FAF1: variants seen among roughly 807,000 people sequenced by gnomAD.
The protein encoded by FAF1 is Fas associated factor 1.
A neutral mutation model predicts 92.5 loss-of-function variants in FAF1; 25 were observed. The observed-to-expected ratio is 0.27, with a 90% CI of 0.20 to 0.38. The LOEUF (loss-of-function observed/expected upper bound fraction) is 0.38, where lower values mean the gene tolerates loss of function less well. Ranked by LOEUF, FAF1 falls within the 10% of genes least tolerant of loss-of-function variation. The probability of loss-of-function intolerance (pLI) is 1.00; values close to 1 mark genes in which losing one functional copy is unlikely to be tolerated. For missense variants in FAF1, 636 were observed against 793.3 expected, an observed-to-expected ratio of 0.80 and a Z score of 2.38; for synonymous variants, 234 against 273.2, an observed-to-expected ratio of 0.86 and a Z score of 1.42.
rs1378268762 is a variant in FAF1 at position 50,960,172 on chromosome 1, G to T, written c.-361C>A. 6.4e-6 allele frequency: 2 copies of T among 314,730 alleles called. No individual in the cohort carries two copies. Among genetic ancestry groups the T allele is most frequent in the Non-Finnish European group, 1.2e-5 (2 of 170,678 alleles). 19.5% of individuals were successfully genotyped at this position (314,730 alleles called of 1,614,324 possible). On this transcript the variant is annotated 5_prime_UTR_variant, in exon 1 of 19. Transcript: ENST00000396153. ...ACCTTCAGCGGCGTTAAGCCCGGCG[G>T]GGGCGGGGAAACCGAGCGAGCGAGC...
At chr1:50,507,566 C>G (rs1050533225) in intron 15 of FAF1, among the ~76,000 whole-genome samples, 1 of 151,920 alleles carries the variant, frequency 6.6e-6, no homozygotes, top group East Asian at 1.9e-4. Context: ...ATGGCGAGAC[C>G]CATAAAAAAT....
intron 6 of FAF1, among the ~76,000 whole-genome samples, chr1:50,706,863 C>T (rs1449999255): frequency 6.6e-6 from 1 of 152,112 alleles, no homozygotes; most frequent in Non-Finnish European, 1.5e-5. Flanking sequence ...TCCTCCTTTG[C>T]CCATCTGTAA....
chr1:50,630,555 A>G (rs1653723688), intron 8 of FAF1, among the ~76,000 whole-genome samples: 1 of 152,068 alleles, frequency 6.6e-6, no homozygotes, highest in Non-Finnish European at 1.5e-5. Flanking sequence ...TAGGTTGCAT[A>G]ATTTTGTTTG....
intron 15 of FAF1, among the ~76,000 whole-genome samples, chr1:50,499,894 T>TA (rs1265889776): frequency 2.0e-5 from 3 of 152,188 alleles, no homozygotes; most frequent in African/African-American, 7.2e-5. Context: ...ACTCAGAACT[T>TA]ACAGTTTAAA....
At chr1:50,724,296 T>TAC (rs974347882) in intron 6 of FAF1, among the ~76,000 whole-genome samples, 7,502 of 117,018 alleles carry the variant, frequency 0.064, 340 homozygotes, top group East Asian at 0.23. Context: ...CACACACACA[T>TAC]ACACACACAC....
chr1:50,594,232 T>G (rs923152362), intron 9 of FAF1, among the ~76,000 whole-genome samples: 15 of 151,816 alleles, frequency 9.9e-5, no homozygotes, highest in South Asian at 4.2e-4. Flanking sequence ...CGAGAATCAC[T>G]TGAACCCAGG....
chr1:50,874,905 G>C (rs58236240), intron 1 of FAF1, among the ~76,000 whole-genome samples: 1 of 151,168 alleles, frequency 6.6e-6, no homozygotes, highest in African/African-American at 2.4e-5. Flanking sequence ...ATGTAGCTGA[G>C]ACTACAGCCA....
At chr1:50,874,249 T>C (rs1644551720) in intron 1 of FAF1, among the ~76,000 whole-genome samples, 1 of 152,238 alleles carries the variant, frequency 6.6e-6, no homozygotes, top group South Asian at 2.1e-4. Context: ...GTCTATTGTT[T>C]ATTATTTTCT....
At chr1:50,736,334 C>A (rs928223621) in intron 6 of FAF1, among the ~76,000 whole-genome samples, 4 of 152,238 alleles carry the variant, frequency 2.6e-5, no homozygotes, top group Admixed American at 2.6e-4. Flanking sequence ...TCTGCAAAAG[C>A]AAATCAGTTT....
intron 2 of FAF1, among the ~76,000 whole-genome samples, chr1:50,831,050 C>T (rs1201097322): frequency 6.6e-6 from 1 of 151,848 alleles, no homozygotes; most frequent in Non-Finnish European, 1.5e-5. Context: ...ACAAAAACAA[C>T]AAAGGAATAG....
intron 15 of FAF1, among the ~76,000 whole-genome samples, chr1:50,520,854 A>G (rs1647463253): frequency 6.6e-6 from 1 of 152,132 alleles, no homozygotes; most frequent in African/African-American, 2.4e-5. Context: ...CAAAAAACCA[A>G]AAAACTTTAG....
chr1:50,471,204 G>C (rs1646567969), intron 18 of FAF1: 1 of 152,218 alleles, frequency 6.6e-6, no homozygotes, highest in African/African-American at 2.4e-5. Flanking sequence ...ATGAAGTCAA[G>C]TCAAACTTCA....
chr1:50,456,224 C>G (rs1646350902), intron 18 of FAF1, among the ~76,000 whole-genome samples: 1 of 152,118 alleles, frequency 6.6e-6, no homozygotes, highest in South Asian at 2.1e-4. Flanking sequence ...TCCTGAGTAG[C>G]AGGGACTACA....
intron 7 of FAF1, among the ~76,000 whole-genome samples, chr1:50,666,129 C>CAA (rs57489116): frequency 0.078 from 9,558 of 122,714 alleles, 381 homozygotes; most frequent in East Asian, 0.11. Context: ...GAGCCCAGAT[C>CAA]AAAAAAAAAA....
intron 7 of FAF1, among the ~76,000 whole-genome samples, chr1:50,692,382 T>G (rs556496404): frequency 6.6e-6 from 1 of 151,610 alleles, no homozygotes; most frequent in South Asian, 2.1e-4. Context: ...GAAAGACCAT[T>G]AAAATTTATT....
intron 15 of FAF1, among the ~76,000 whole-genome samples, chr1:50,524,300 T>C (rs1557980796): frequency 6.6e-6 from 1 of 152,234 alleles, no homozygotes; most frequent in Non-Finnish European, 1.5e-5. Context: ...CTGTCAGATG[T>C]ACAGTTTGCA....
chr1:50,452,066 G>A, intron 18 of FAF1: 2 of 1,334,180 alleles, frequency 1.5e-6, no homozygotes, highest in Non-Finnish European at 2.0e-6. Context: ...ATGGAATGGG[G>A]AGGAAAAAAC....
At chr1:50,617,398 G>C (rs1373204473) in intron 8 of FAF1, among the ~76,000 whole-genome samples, 1 of 152,162 alleles carries the variant, frequency 6.6e-6, no homozygotes, top group African/African-American at 2.4e-5. Context: ...TGCGTCTATT[G>C]AGATGATCAT....
intron 7 of FAF1, among the ~76,000 whole-genome samples, chr1:50,670,189 T>G (rs1302949977): frequency 6.6e-6 from 1 of 152,042 alleles, no homozygotes; most frequent in East Asian, 1.9e-4. Context: ...TATTTATATT[T>G]GGAGCAGCCG....
Sources: allele counts gnomAD v4.1 joint callset (sites outside exome capture counted in the v4.1 genomes callset), GRCh38; gene constraint gnomAD v4.1.1; transcripts MANE v1.5; gene names NCBI Gene and HGNC (gene_info 2026-07-23, HGNC 2026-07-21).